Variants in TULP4 observed in about 807,000 individuals in gnomAD.
TULP4 encodes tubby-related protein 4.
In TULP4, 16 loss-of-function variants were observed where a neutral mutation model predicts 129.0. The ratio of observed to expected loss-of-function variants is 0.12; its 90% CI spans 0.08 to 0.19. The LOEUF (loss-of-function observed/expected upper bound fraction) is 0.19. Among genes scored for constraint, TULP4 ranks in the 10% least tolerant of loss-of-function variants. The probability of loss-of-function intolerance (pLI) is 1.00; values close to 1 mark genes in which losing one functional copy is unlikely to be tolerated. For synonymous variants in TULP4, 998 were observed against 854.0 expected (o/e 1.17, Z -2.94); for missense variants, 1,842 against 2,059.1 (o/e 0.89, Z 2.04).
intron 3 of TULP4, among the ~76,000 whole-genome samples, chr6:158,444,246 A>AAAATT (rs1562568657): frequency 1.2e-5 from 1 of 86,754 alleles, no homozygotes; most frequent in African/African-American, 4.0e-5. Context: ...AAAAAAAAAA[A>AAAATT]TTTTTTTTTT....
At chr6:158,337,358 T>C (rs1280000839) in intron 1 of TULP4, among the ~76,000 whole-genome samples, 2 of 152,092 alleles carry the variant, frequency 1.3e-5, no homozygotes, top group Non-Finnish European at 2.9e-5. Context: ...CTTGAACTCC[T>C]GGGCTCAAGA....
At chr6:158,419,935 T>G (rs565716090) in intron 2 of TULP4, among the ~76,000 whole-genome samples, 1 of 152,332 alleles carries the variant, frequency 6.6e-6, no homozygotes, top group Admixed American at 6.5e-5. Context: ...ATTAACAAGC[T>G]TGACCTAAAG....
In TULP4 at chr6:158,331,771, G is replaced by GTA. The variant is rs553636109; in HGVS notation, c.252+17510_252+17511dup. ...TGTATATACACGTGTATATATACACGTATATATACACACACACATACCTAC... is the reference window on the plus strand; with the variant it reads ...TGTATATACACGTGTATATATACACGTATATATATACACACACACATACCTAC... On this transcript the variant is annotated intron_variant, in intron 1 of 13. Transcript: ENST00000367097. Among the ~76,000 whole-genome samples, 32 of 30,824 alleles carry GTA rather than the reference G, an allele frequency of 1.0e-3. 8 individuals carry two copies. The highest frequency in any genetic ancestry group is 4.0e-3 in the South Asian group (3 of 746). The allele number at this position is 30,824 out of a possible 152,430, so 20.2% of individuals were successfully genotyped here. A position where few individuals can be genotyped will look rare whatever the true frequency, so the allele number is the denominator to read the frequency against.
intron 1 of TULP4, among the ~76,000 whole-genome samples, chr6:158,268,687 A>G (rs1053084649): frequency 6.6e-6 from 1 of 152,038 alleles, no homozygotes; most frequent in Non-Finnish European, 1.5e-5. Flanking sequence ...ACATTTTCCT[A>G]TTTTACTGAA....
intron 1 of TULP4, among the ~76,000 whole-genome samples, chr6:158,236,787 A>ATTTTTTTTT (rs1777710319): frequency 1.4e-5 from 1 of 72,220 alleles, no homozygotes; most frequent in Non-Finnish European, 3.0e-5. Flanking sequence ...TAAATGCCCA[A>ATTTTTTTTT]TTCTTTTCTT....
chr6:158,457,342 C>T (rs1583898861), intron 5 of TULP4, among the ~76,000 whole-genome samples: 1 of 152,192 alleles, frequency 6.6e-6, no homozygotes, highest in East Asian at 1.9e-4. Flanking sequence ...GCCCAGGCCT[C>T]TTCTGCATCA....
At chr6:158,426,206 GTT>G (rs1778488952) in intron 2 of TULP4, among the ~76,000 whole-genome samples, 1 of 152,046 alleles carries the variant, frequency 6.6e-6, no homozygotes, top group South Asian at 2.1e-4. Flanking sequence ...TTCTTTTGCT[GTT>G]CTGAAGCTCT....
At chr6:158,248,841 C>T (rs769923527) in intron 1 of TULP4, among the ~76,000 whole-genome samples, 11 of 152,108 alleles carry the variant, frequency 7.2e-5, no homozygotes, top group Admixed American at 2.0e-4. Flanking sequence ...TTGGGTTGCT[C>T]AGGCGTGGTG....
intron 1 of TULP4, among the ~76,000 whole-genome samples, chr6:158,411,983 G>C (rs1214734036): frequency 6.6e-6 from 1 of 152,174 alleles, no homozygotes; most frequent in Non-Finnish European, 1.5e-5. Context: ...CAAAATGCTG[G>C]GAGTAGACAA....
chr6:158,506,945 A>G lies in TULP4; in HGVS notation c.*251A>G. 1 of 488,808 alleles carries G rather than the reference A, an allele frequency of 2.0e-6. No individual in the cohort carries two copies. 30.3% of individuals were successfully genotyped at this position (488,808 alleles called of 1,614,324 possible). A position where few individuals can be genotyped will look rare whatever the true frequency, so the allele number is the denominator to read the frequency against. Reference sequence around the variant, plus strand: ...GTGGCATTTGGAAGCAAAGAGTGCTAGGCACCTGCTGTTCTTTCAGGAAAC... The same window carrying G: ...GTGGCATTTGGAAGCAAAGAGTGCTGGGCACCTGCTGTTCTTTCAGGAAAC... On this transcript the variant is annotated 3_prime_UTR_variant, in exon 14 of 14. Coordinates refer to ENST00000367097, the MANE Select transcript of TULP4 (RefSeq NM_020245.5).
intron 8 of TULP4, among the ~76,000 whole-genome samples, chr6:158,487,356 C>A (rs915301676): frequency 7.9e-5 from 12 of 152,138 alleles, no homozygotes; most frequent in East Asian, 7.7e-4. Context: ...AGGAGAATCG[C>A]TTGAATCCAG....
At chr6:158,239,410 G>C (rs1777805029) in intron 1 of TULP4, among the ~76,000 whole-genome samples, 1 of 70,160 alleles carries the variant, frequency 1.4e-5, no homozygotes, top group Non-Finnish European at 3.3e-5. Flanking sequence ...CCGGGCGGGG[G>C]GCTGACCCCC....
chr6:158,274,157 C>T lies in TULP4; in HGVS notation n.69-37894C>T, dbSNP rs140401971. Among the ~76,000 whole-genome samples the T allele has an allele frequency of 5.0e-3, 758 of 152,208 alleles. 8 individuals carry two copies. Among genetic ancestry groups the T allele is most frequent in the African/African-American group, 0.018 (729 of 41,504 alleles). ...CCTGCAGTCCCGGCTACTTGGGAGGCTGAGGCAGGAGAATTGCTTGAACCC... is the reference window on the plus strand; with the variant it reads ...CCTGCAGTCCCGGCTACTTGGGAGGTTGAGGCAGGAGAATTGCTTGAACCC... On this transcript the variant is annotated intron_variant and non_coding_transcript_variant, in intron 1 of 1. Transcript: ENST00000620026.
chr6:158,276,625 T>A, intron 1 of TULP4, among the ~76,000 whole-genome samples: 1 of 152,142 alleles, frequency 6.6e-6, no homozygotes. Context: ...TAGGTGACAG[T>A]AGGTCAATAT....
intron 13 of TULP4, among the ~76,000 whole-genome samples, chr6:158,505,054 A>C (rs972006563): frequency 6.6e-6 from 1 of 152,104 alleles, no homozygotes; most frequent in African/African-American, 2.4e-5. Context: ...AGACATATCA[A>C]CTTCCTGTTA....
intron 1 of TULP4, among the ~76,000 whole-genome samples, chr6:158,388,225 A>T (rs557202340): frequency 2.6e-5 from 4 of 152,060 alleles, no homozygotes; most frequent in Non-Finnish European, 5.9e-5. Context: ...ATGCTTAACT[A>T]GCAAATAATT....
intron 1 of TULP4, among the ~76,000 whole-genome samples, chr6:158,301,434 A>T (rs1312952901): frequency 6.6e-6 from 1 of 151,888 alleles, no homozygotes; most frequent in Non-Finnish European, 1.5e-5. Flanking sequence ...AACAACACTG[A>T]TAAAATCAGC....
At chr6:158,390,866 C>T (rs1777568274) in intron 1 of TULP4, among the ~76,000 whole-genome samples, 4 of 152,130 alleles carry the variant, frequency 2.6e-5, no homozygotes, top group African/African-American at 9.7e-5. Flanking sequence ...CACTTTGGGC[C>T]GCCAAGGTGG....
intron 1 of TULP4, among the ~76,000 whole-genome samples, chr6:158,260,853 T>C (rs1778339841): frequency 6.6e-6 from 1 of 151,540 alleles, no homozygotes; most frequent in Admixed American, 6.6e-5. Flanking sequence ...AGAGTTTCGC[T>C]CTTGTTGCCC....
Sources: allele counts gnomAD v4.1 joint callset (sites outside exome capture counted in the v4.1 genomes callset), GRCh38; gene constraint gnomAD v4.1.1; transcripts MANE v1.5; gene names NCBI Gene and HGNC (gene_info 2026-07-23, HGNC 2026-07-21).